The following CAMK1G variants were observed in gnomAD, a reference collection of about 807,000 sequenced individuals.
CAMK1G encodes the protein calcium/calmodulin dependent protein kinase IG.
CAMK1G carries 27 observed loss-of-function variants against 54.8 expected under a neutral mutation model. The observed-to-expected ratio is 0.49, with a 90% confidence interval of 0.36 to 0.68. CAMK1G has a LOEUF of 0.68. Among genes scored for constraint, CAMK1G ranks in the 30% least tolerant of loss-of-function variants. The pLI is 0.00. For missense variants in CAMK1G, 512 were observed against 591.0 expected (o/e 0.87, Z 1.39); for synonymous variants, 238 against 224.9 (o/e 1.06, Z -0.52).
At chr1:209,603,149 G>A in intron 3 of CAMK1G, 65 bp from the exon 4 acceptor site, 1 of 1,542,052 alleles carries the variant, frequency 6.5e-7, no homozygotes, top group South Asian at 1.1e-5. Flanking sequence ...TTTGGGCTAG[G>A]TCTGCATTAT....
chr1:209,607,609 C>G (rs1279085420), intron 6 of CAMK1G, among the ~76,000 whole-genome samples: 1 of 152,224 alleles, frequency 6.6e-6, no homozygotes, highest in Non-Finnish European at 1.5e-5. Context: ...CCCAGTCCAA[C>G]AGGTGAGTCA....
chr1:209,608,309 C>G (rs1328494131), intron 7 of CAMK1G, among the ~76,000 whole-genome samples: 1 of 152,168 alleles, frequency 6.6e-6, no homozygotes, highest in Non-Finnish European at 1.5e-5. Context: ...CAGGTGGACC[C>G]TCTGTTCCTA....
intron 7 of CAMK1G, 68 bp from the exon 8 acceptor site, chr1:209,608,912 G>GA: frequency 1.9e-6 from 3 of 1,596,630 alleles, no homozygotes; most frequent in Non-Finnish European, 2.6e-6. Flanking sequence ...GAGCTTGGGG[G>GA]AGCAGAGAGG....
At chr1:209,606,153 A>G (rs1665644493) in intron 5 of CAMK1G, 167 bp from the exon 6 acceptor site, 4 of 311,814 alleles carry the variant, frequency 1.3e-5, no homozygotes, top group Non-Finnish European at 1.4e-5. Context: ...ACTGGGGTGC[A>G]GGTGTGAGGG....
chr1:209,584,910 C>T (rs530279846), intron 1 of CAMK1G, among the ~76,000 whole-genome samples: 1 of 152,174 alleles, frequency 6.6e-6, no homozygotes, highest in Non-Finnish European at 1.5e-5. Flanking sequence ...ATGGGGACCA[C>T]ACTTTACAGT....
chr1:209,604,477 C>A (rs1019759556), intron 4 of CAMK1G, among the ~76,000 whole-genome samples: 5 of 152,156 alleles, frequency 3.3e-5, no homozygotes, highest in Admixed American at 6.5e-5. Flanking sequence ...TTCCTACAGG[C>A]CTTCAGCTAC....
At chr1:209,596,298 G>T (rs1665380077) in intron 2 of CAMK1G, among the ~76,000 whole-genome samples, 1 of 152,172 alleles carries the variant, frequency 6.6e-6, no homozygotes, top group African/African-American at 2.4e-5. Flanking sequence ...TTTGGCAGGA[G>T]AAAGAGACAA....
chr1:209,586,572 T>C (rs918198029), intron 1 of CAMK1G, among the ~76,000 whole-genome samples: 3 of 152,138 alleles, frequency 2.0e-5, no homozygotes, highest in Non-Finnish European at 4.4e-5. Flanking sequence ...TAAGTCCTTA[T>C]TGGTTTCCCT....
chr1:209,611,422 AAATAGCCACCC>A, intron 9 of CAMK1G, 32 bp from the exon 10 acceptor site: 1 of 1,593,702 alleles, frequency 6.3e-7, no homozygotes, highest in Non-Finnish European at 8.6e-7. Flanking sequence ...GGATGAGTGT[AAATAGCCACCC>A]AGTAGCCAGG....
At chr1:209,611,225 G>A (rs970803709) in intron 9 of CAMK1G, among the ~76,000 whole-genome samples, 5 of 152,196 alleles carry the variant, frequency 3.3e-5, no homozygotes, top group Non-Finnish European at 7.3e-5. Context: ...GGTCGATTTG[G>A]CCTATAGGCT....
intron 9 of CAMK1G, 144 bp downstream of exon 9, chr1:209,610,073 C>A: frequency 1.4e-6 from 1 of 719,090 alleles, no homozygotes; most frequent in Non-Finnish European, 2.5e-6. Context: ...CATTGTTCAT[C>A]AGGCCCAGGT....
At chr1:209,603,327 G>A in intron 4 of CAMK1G, 39 bp downstream of exon 4, 1 of 1,561,490 alleles carries the variant, frequency 6.4e-7, no homozygotes, top group Non-Finnish European at 8.8e-7. Context: ...CAGAGGCCTG[G>A]TGGGGCCTGG....
intron 1 of CAMK1G, among the ~76,000 whole-genome samples, chr1:209,589,726 T>C (rs544122854): frequency 6.6e-6 from 1 of 152,324 alleles, no homozygotes; most frequent in African/African-American, 2.4e-5. Flanking sequence ...TCTTAGCTCC[T>C]TATTTATATA....
chr1:209,590,799 C>T (rs902155069), intron 1 of CAMK1G, among the ~76,000 whole-genome samples: 2 of 152,136 alleles, frequency 1.3e-5, no homozygotes, highest in African/African-American at 4.8e-5. Context: ...CAAACCTTTG[C>T]CCTCATCCCC....
chr1:209,591,197 A>G (rs1035007721), intron 1 of CAMK1G, among the ~76,000 whole-genome samples: 4 of 152,162 alleles, frequency 2.6e-5, no homozygotes, highest in African/African-American at 9.7e-5. Context: ...ACTGCCAGTG[A>G]GACCTCCTCT....
At chr1:209,596,285 G>A (rs9429820) in intron 2 of CAMK1G, among the ~76,000 whole-genome samples, 39,094 of 152,074 alleles carry the variant, frequency 0.26, 6,094 homozygotes, top group Non-Finnish European at 0.34. Flanking sequence ...CCAGAGAGGG[G>A]GTTTTGGCAG....
intron 9 of CAMK1G, among the ~76,000 whole-genome samples, chr1:209,610,950 T>C (rs748574746): frequency 3.9e-5 from 6 of 152,182 alleles, no homozygotes; most frequent in East Asian, 1.9e-4. Flanking sequence ...ACGGCCTTAC[T>C]GAGGAAGGCT....
At chr1:209,589,661 G>A (rs1386201803) in intron 1 of CAMK1G, among the ~76,000 whole-genome samples, 2 of 152,176 alleles carry the variant, frequency 1.3e-5, no homozygotes, top group African/African-American at 4.8e-5. Flanking sequence ...TAGGTTCTAG[G>A]ATTTCAAAGA....
intron 2 of CAMK1G, 73 bp from the exon 3 acceptor site, chr1:209,599,910 C>G: frequency 6.3e-7 from 1 of 1,574,944 alleles, no homozygotes; most frequent in Non-Finnish European, 8.6e-7. Context: ...TACGTCCTTT[C>G]TGAGGTCTTA....
Sources: gnomAD v4.1 joint callset for allele counts (sites outside exome capture counted in the v4.1 genomes callset) on GRCh38, gnomAD v4.1.1 for gene constraint, MANE v1.5 for transcripts, NCBI Gene and HGNC (gene_info 2026-07-23, HGNC 2026-07-21) for gene names.